The following ADAMTS12 variants were observed in gnomAD, a reference collection of about 807,000 sequenced individuals.
ADAMTS12 encodes A disintegrin and metalloproteinase with thrombospondin motifs 12.
ADAMTS12 carries 118 observed loss-of-function variants against 167.8 expected under a neutral mutation model. That is an observed-to-expected ratio of 0.70 (90% confidence interval 0.61 to 0.82). ADAMTS12 has a LOEUF of 0.82. Ranked by LOEUF, ADAMTS12 falls within the 40% of genes least tolerant of loss-of-function variation. The probability of loss-of-function intolerance (pLI) is 0.00; values close to 1 mark genes in which losing one functional copy is unlikely to be tolerated. For synonymous variants in ADAMTS12, 704 were observed against 716.9 expected, an observed-to-expected ratio of 0.98 and a Z score of 0.29; for missense variants, 1,916 against 1,998.8, an observed-to-expected ratio of 0.96 and a Z score of 0.79.
At chr5:33,858,548 C>A (rs899450008) in intron 2 of ADAMTS12, among the ~76,000 whole-genome samples, 1 of 151,222 alleles carries the variant, frequency 6.6e-6, no homozygotes, top group African/African-American at 2.4e-5. Context: ...GTCGCAGCAA[C>A]TTGGAAGGCT....
chr5:33,833,481 T>C (rs1748386532), intron 2 of ADAMTS12, among the ~76,000 whole-genome samples: 1 of 151,502 alleles, frequency 6.6e-6, no homozygotes, highest in Non-Finnish European at 1.5e-5. Context: ...CACTTTCACC[T>C]TTCAAGGACC....
intron 2 of ADAMTS12, among the ~76,000 whole-genome samples, chr5:33,876,772 TG>T (rs1750242234): frequency 6.6e-6 from 1 of 152,202 alleles, no homozygotes; most frequent in Non-Finnish European, 1.5e-5. Context: ...GATGGAAAAG[TG>T]TGTCATCTTG....
Position 33,759,101 on chromosome 5 carries a change from T to C in ADAMTS12, c.490-7553A>G, listed in dbSNP as rs1212098761. Reference sequence around the variant, plus strand: ...GATAGAGTCTTAGAGCTGGAAGCCATGGCCGAGGCTTCTAATCAAGCCTCC... The same window carrying C: ...GATAGAGTCTTAGAGCTGGAAGCCACGGCCGAGGCTTCTAATCAAGCCTCC... On this transcript the variant is annotated intron_variant, in intron 2 of 23. Coordinates refer to ENST00000504830, the MANE Select transcript of ADAMTS12 (RefSeq NM_030955.4). 2.0e-5 allele frequency among the ~76,000 whole-genome samples: 3 copies of C among 152,220 alleles called. No homozygotes were observed. The East Asian group carries it at 5.8e-4, about 29-fold the overall frequency.
rs115081405 is a variant in ADAMTS12, at chr5:33,657,689, C to T, written c.1190+495G>A. Among the ~76,000 whole-genome samples, 564 of 152,178 alleles carry T rather than the reference C, an allele frequency of 3.7e-3. 5 individuals carry two copies. Among genetic ancestry groups the T allele is most frequent in the African/African-American group, 0.013 (552 of 41,518 alleles). Reference sequence around the variant, plus strand: ...TTCCATTTTTTATTTATTCCATGTCCTCCTTTAATAAACATAAGTAAAACG... The same window carrying T: ...TTCCATTTTTTATTTATTCCATGTCTTCCTTTAATAAACATAAGTAAAACG... On this transcript the variant is annotated intron_variant, in intron 7 of 23. Coordinates refer to ENST00000504830, the MANE Select transcript of ADAMTS12 (RefSeq NM_030955.4).
chr5:33,720,362 T>C (rs961586733), intron 3 of ADAMTS12, among the ~76,000 whole-genome samples: 3 of 151,710 alleles, frequency 2.0e-5, no homozygotes, highest in Admixed American at 6.6e-5. Context: ...CATTAAGTAT[T>C]TTATTCTGGA....
intron 21 of ADAMTS12, 86 bp from the exon 22 acceptor site, chr5:33,546,288 G>T: frequency 1.5e-6 from 2 of 1,297,586 alleles, no homozygotes. Flanking sequence ...TGTCATTTTT[G>T]TTATGTACAG....
chr5:33,714,941 T>C (rs1451102554), intron 3 of ADAMTS12, among the ~76,000 whole-genome samples: 1 of 152,078 alleles, frequency 6.6e-6, no homozygotes, highest in African/African-American at 2.4e-5. Context: ...AACAACTAAA[T>C]GAAAAGTTTT....
At chr5:33,568,762 C>T (rs903548897) in intron 19 of ADAMTS12, among the ~76,000 whole-genome samples, 1 of 152,252 alleles carries the variant, frequency 6.6e-6, no homozygotes, top group Non-Finnish European at 1.5e-5. Context: ...GGGTGCAGCG[C>T]ACCGTGCACC....
At chr5:33,797,259 G>GTT in intron 2 of ADAMTS12, among the ~76,000 whole-genome samples, 2 of 152,070 alleles carry the variant, frequency 1.3e-5, no homozygotes, top group Non-Finnish European at 2.9e-5. Flanking sequence ...TAATCTTCCT[G>GTT]GCCAAGCCTG....
At chr5:33,740,180 G>T (rs191512586) in intron 3 of ADAMTS12, among the ~76,000 whole-genome samples, 3 of 152,092 alleles carry the variant, frequency 2.0e-5, no homozygotes, top group African/African-American at 7.2e-5. Flanking sequence ...CAACTCTAAC[G>T]TGAAGAACAG....
chr5:33,667,971 G>T (rs1026037003), intron 5 of ADAMTS12, among the ~76,000 whole-genome samples: 1 of 152,106 alleles, frequency 6.6e-6, no homozygotes, highest in Admixed American at 6.6e-5. Context: ...TTCTATCCTA[G>T]CATTTGTTTT....
intron 19 of ADAMTS12, among the ~76,000 whole-genome samples, chr5:33,569,893 G>A (rs1430212294): frequency 6.6e-6 from 1 of 152,160 alleles, no homozygotes; most frequent in East Asian, 1.9e-4. Context: ...ATATAGAGAA[G>A]TGCTTAAAGG....
At chr5:33,546,627 T>C (rs529244842) in intron 21 of ADAMTS12, among the ~76,000 whole-genome samples, 3 of 152,348 alleles carry the variant, frequency 2.0e-5, no homozygotes, top group African/African-American at 4.8e-5. Flanking sequence ...AATTTGTCCA[T>C]AGTAGGAGTA....
chr5:33,888,172 T>C (rs1750706692), intron 1 of ADAMTS12: 1 of 152,246 alleles, frequency 6.6e-6, no homozygotes, highest in Non-Finnish European at 1.5e-5. Flanking sequence ...TTATCTGTAC[T>C]TATTCTTTAT....
Position 33,790,782 on chromosome 5 carries a change from C to CATATATAT in ADAMTS12, c.490-39242_490-39235dup, listed in dbSNP as rs10622464. Among the ~76,000 whole-genome samples the CATATATAT allele has an allele frequency of 3.2e-3, 435 of 133,994 alleles. 1 individual carries two copies. Among genetic ancestry groups the CATATATAT allele is most frequent in the African/African-American group, 9.1e-3 (329 of 36,170 alleles). 87.9% of individuals were successfully genotyped at this position (133,994 alleles called of 152,430 possible). A position where few individuals can be genotyped will look rare whatever the true frequency, so the allele number is the denominator to read the frequency against. On this transcript the variant is annotated intron_variant, in intron 2 of 23. Transcript: ENST00000504830. ...TCAAACTTCTAGCTTGACATACAAA[C>CATATATAT]ATATATATATATATATATATATATA... is the stretch of plus-strand genomic sequence containing the variant.
intron 19 of ADAMTS12, among the ~76,000 whole-genome samples, chr5:33,569,078 A>G (rs1404827763): frequency 6.6e-6 from 1 of 152,244 alleles, no homozygotes; most frequent in Non-Finnish European, 1.5e-5. Flanking sequence ...ACTTAGGTAA[A>G]CAAAGCAGCC....
chr5:33,676,707 C>CACAGAG (rs879440613), intron 5 of ADAMTS12, among the ~76,000 whole-genome samples: 148 of 149,118 alleles, frequency 9.9e-4, no homozygotes, highest in African/African-American at 3.6e-3. Flanking sequence ...CACACACACA[C>CACAGAG]AGAGAGAGAG....
intron 2 of ADAMTS12, among the ~76,000 whole-genome samples, chr5:33,827,037 C>T (rs186320646): frequency 9.2e-5 from 14 of 151,552 alleles, no homozygotes; most frequent in African/African-American, 2.9e-4. Flanking sequence ...CTCAGTTCAT[C>T]CACAAAAATT....
chr5:33,621,477 G>C (rs1161145259), intron 14 of ADAMTS12, among the ~76,000 whole-genome samples: 1 of 151,446 alleles, frequency 6.6e-6, no homozygotes, highest in East Asian at 1.9e-4. Flanking sequence ...CTGAGATTCT[G>C]ATAAGAGACA....
Sources: allele counts gnomAD v4.1 joint callset (sites outside exome capture counted in the v4.1 genomes callset), GRCh38; gene constraint gnomAD v4.1.1; transcripts MANE v1.5; gene names NCBI Gene and HGNC (gene_info 2026-07-23, HGNC 2026-07-21).